Variants in GJC2 observed in about 807,000 individuals in gnomAD.
GJC2 encodes gap junction protein gamma 2.
For synonymous variants in GJC2, 336 were observed against 307.5 expected (o/e 1.09, Z -0.97); for missense variants, 647 against 648.9 (o/e 1.00, Z 0.03).
intron 1 of GJC2, among the ~76,000 whole-genome samples, chr1:228,153,439 T>A (rs1349833497): frequency 1.3e-5 from 2 of 150,532 alleles, no homozygotes; most frequent in Admixed American, 1.3e-4. Flanking sequence ...CAGGATTGAG[T>A]GCAGTGGTGT....
In GJC2 at chr1:228,150,196, G is replaced by A. The variant is rs906171975; in HGVS notation, c.-20+189G>A. Among the ~76,000 whole-genome samples, 5 of 152,170 alleles carry A rather than the reference G, an allele frequency of 3.3e-5. No individual in the cohort carries two copies. Among genetic ancestry groups the A allele is most frequent in the South Asian group, 2.1e-4 (1 of 4,834 alleles). ...GGCTCCGCTGCTCCACGCAGATGGT[G>A]GGGTGGCCCCCCCACTCCATGTCTG... On this transcript the variant is annotated intron_variant, in intron 1 of 1. Transcript: ENST00000366714. The surrounding 1 kb of genome is among the most constrained non-coding windows in gnomAD (Gnocchi z 4.6).
At position 228,154,721 on chromosome 1, in the gene GJC2, C is replaced by T. The variant is rs543938176; in HGVS notation, c.-19-3019C>T. Among the ~76,000 whole-genome samples the T allele has an allele frequency of 7.9e-5, 12 of 152,366 alleles. No homozygotes were observed. The South Asian group carries it at 2.3e-3, about 29-fold the overall frequency. On this transcript the variant is annotated intron_variant, in intron 1 of 1. Coordinates refer to ENST00000366714, the MANE Select transcript of GJC2 (RefSeq NM_020435.4). Reference sequence around the variant, plus strand: ...ATCTATGTCAGTCTGTAATCTGTAACACAAGACTACTTGATTTCTTTCACT... The same window carrying T: ...ATCTATGTCAGTCTGTAATCTGTAATACAAGACTACTTGATTTCTTTCACT...
chr1:228,158,653 C>A lies in GJC2; in HGVS notation c.895C>A (p.Arg299Ser). 6.6e-7 allele frequency: 1 copy of A among 1,521,098 alleles called. No individual in the cohort carries two copies. The highest frequency in any genetic ancestry group is 8.8e-7 in the Non-Finnish European group (1 of 1,131,498). 94.2% of individuals were successfully genotyped at this position (1,521,098 alleles called of 1,614,324 possible). The change falls in exon 2 of 2, where the codon CGC (arginine) becomes AGC (serine). Residue 299 changes from arginine (R) to serine (S), a missense_variant. Arg to Ser is a moderately radical substitution (Grantham distance 110). Transcript: ENST00000366714. The surrounding 1 kb of genome is among the most constrained non-coding windows in gnomAD (Gnocchi z 8.3). ...LGLGSAQDAV[R>S]GRRGPPASAP... The stretch of plus-strand genomic sequence containing the variant: ...CTTGGGCAGCGCGCAGGACGCGGTG[C>A]GCGGCCGCCGCGGCCCCCCGGCCTC...
Position 228,158,637 on chromosome 1 carries a change from C to T in GJC2, c.879C>T (p.Ser293=), listed in dbSNP as rs868063664. 1 of 1,603,944 alleles carries T rather than the reference C, an allele frequency of 6.2e-7. No individual in the cohort carries two copies. ...AGATGGCCCACCTGGGCTTGGGCAGCGCGCAGGACGCGGTGCGCGGCCGCC... is the reference window on the plus strand; with the variant it reads ...AGATGGCCCACCTGGGCTTGGGCAGTGCGCAGGACGCGGTGCGCGGCCGCC... The part of the protein sequence containing the change: ...LCEMAHLGLG[S]AQDAVRGRRG... The change falls in exon 2 of 2, where the codon AGC becomes AGT. Residue 293 remains serine, a synonymous_variant. Coordinates refer to ENST00000366714, the MANE Select transcript of GJC2 (RefSeq NM_020435.4). The surrounding 1 kb of genome is among the most constrained non-coding windows in gnomAD (Gnocchi z 8.3).
chr1:228,157,966 G>A lies in GJC2; in HGVS notation c.208G>A (p.Ala70Thr). The change falls in exon 2 of 2, where the codon GCC becomes ACC. Residue 70 changes from alanine to threonine, a missense_variant. Physicochemically the swap from Ala to Thr is moderately conservative, Grantham distance 58. Transcript: ENST00000366714. ...QPGCDNVCYD[A>T]FAPLSHVRFW... ...AGGCTGCGACAACGTCTGCTATGAC[G>A]CCTTCGCGCCCCTGTCGCACGTGCG... 11 of 1,612,436 alleles carry A rather than the reference G, an allele frequency of 6.8e-6. No individual in the cohort carries two copies. Among genetic ancestry groups the A allele is most frequent in the Non-Finnish European group, 9.3e-6 (11 of 1,179,770 alleles).
rs544896408 is a variant in GJC2 at position 228,152,897 on chromosome 1, T to A, written c.-20+2890T>A. Among the ~76,000 whole-genome samples the A allele has an allele frequency of 2.0e-4, 30 of 152,134 alleles. No homozygotes were observed. The highest frequency in any genetic ancestry group is 6.8e-3 in the Middle Eastern group (2 of 294). ...ACCCCCCTACCTCGCCCTGACACCT[T>A]ACTAACCCCAGCAGCTGCCTCCTCC... On this transcript the variant is annotated intron_variant, in intron 1 of 1. Coordinates refer to ENST00000366714, the MANE Select transcript of GJC2 (RefSeq NM_020435.4). The surrounding 1 kb of genome is among the most constrained non-coding windows in gnomAD (Gnocchi z 7.3).
In GJC2 at chr1:228,150,880, C is replaced by T. The variant is rs1442698088; in HGVS notation, c.-20+873C>T. Among the ~76,000 whole-genome samples, 7 of 152,020 alleles carry T rather than the reference C, an allele frequency of 4.6e-5. No individual in the cohort carries two copies. The highest frequency in any genetic ancestry group is 1.0e-4 in the Non-Finnish European group (7 of 67,948). On this transcript the variant is annotated intron_variant, in intron 1 of 1. Transcript: ENST00000366714. The surrounding 1 kb of genome is among the most constrained non-coding windows in gnomAD (Gnocchi z 4.6). ...TAGGAGGCTGGGGTAATCATCACCCCCTCACTCCCAGTATGGATACCCGCC... is the reference window on the plus strand; with the variant it reads ...TAGGAGGCTGGGGTAATCATCACCCTCTCACTCCCAGTATGGATACCCGCC...
Position 228,158,939 on chromosome 1 carries a change from C to G in GJC2, c.1181C>G (p.Thr394Arg), listed in dbSNP as rs1656854963. The G allele has an allele frequency of 6.5e-7, 1 of 1,547,062 alleles. No homozygotes were observed. Among genetic ancestry groups the G allele is most frequent in the Non-Finnish European group, 8.7e-7 (1 of 1,150,664 alleles). ...PPRAGAPASRTGSATSAGTVG... is the reference protein window; with the variant it reads ...PPRAGAPASRRGSATSAGTVG... ...AGAGCAGGCGCCCCCGCGTCCCGGA[C>G]GGGCAGTGCTACCTCTGCGGGCACT... Residue 394 changes from threonine to arginine, a missense_variant, in exon 2 of 2, where the codon ACG becomes AGG. Physicochemically the swap from Thr to Arg is moderately conservative, Grantham distance 71 (BLOSUM62 -1). Coordinates refer to ENST00000366714, the MANE Select transcript of GJC2 (RefSeq NM_020435.4). This position sits in a 1 kb window ranked among gnomAD's most constrained non-coding sequence, Gnocchi z 8.3.
chr1:228,158,676 C>A lies in GJC2; in HGVS notation c.918C>A (p.Ala306=). 1 of 1,213,978 alleles carries A rather than the reference C, an allele frequency of 8.2e-7. No individual in the cohort carries two copies. The allele number at this position is 1,213,978 out of a possible 1,614,324, so 75.2% of individuals were successfully genotyped here. ...DAVRGRRGPP[A]SAPAPAPRPP... ...TGCGCGGCCGCCGCGGCCCCCCGGC[C>A]TCCGCCCCCGCCCCCGCGCCGCGGC... The change falls in exon 2 of 2, where the codon GCC becomes GCA. Residue 306 remains alanine, a synonymous_variant. Transcript: ENST00000366714. The surrounding 1 kb of genome is among the most constrained non-coding windows in gnomAD (Gnocchi z 8.3).
In GJC2 at chr1:228,150,016, C is replaced by T. The variant is rs887535785; in HGVS notation, c.-20+9C>T. ...TTTCTGGCCTGGAGAAGGTAGGGTG[C>T]TGGGGTCCATGTATGTACCTCATGG... On this transcript the variant is annotated intron_variant, in intron 1 of 1. Coordinates refer to ENST00000366714, the MANE Select transcript of GJC2 (RefSeq NM_020435.4). This position sits in a 1 kb window ranked among gnomAD's most constrained non-coding sequence, Gnocchi z 4.6. 1.3e-5 allele frequency: 2 copies of T among 152,674 alleles called. No homozygotes were observed. Among genetic ancestry groups the T allele is most frequent in the African/African-American group, 4.8e-5 (2 of 41,446 alleles). The allele number at this position is 152,674 out of a possible 1,614,324, so 9.5% of individuals were successfully genotyped here.
Position 228,158,329 on chromosome 1 carries a change from A to T in GJC2, c.571A>T (p.Thr191Ser). ...CGGCGCTGACGGCAAGGCGGCAGGGACCCCGGGCCCGACCGGGCAACACGA... is the reference window on the plus strand; with the variant it reads ...CGGCGCTGACGGCAAGGCGGCAGGGTCCCCGGGCCCGACCGGGCAACACGA... ...AVGADGKAAGTPGPTGQHDGR... is the reference protein window; with the variant it reads ...AVGADGKAAGSPGPTGQHDGR... The change falls in exon 2 of 2, where the codon ACC (threonine) becomes TCC (serine). Residue 191 changes from threonine (T) to serine (S), a missense_variant. Transcript: ENST00000366714. This position sits in a 1 kb window ranked among gnomAD's most constrained non-coding sequence, Gnocchi z 8.3. 6.4e-7 allele frequency: 1 copy of T among 1,562,036 alleles called. No homozygotes were observed. The highest frequency in any genetic ancestry group is 8.6e-7 in the Non-Finnish European group (1 of 1,157,342).
At position 228,150,378 on chromosome 1, in the gene GJC2, C is replaced by T. The variant is rs146283240; in HGVS notation, c.-20+371C>T. On this transcript the variant is annotated intron_variant, in intron 1 of 1. Transcript: ENST00000366714. This position sits in a 1 kb window ranked among gnomAD's most constrained non-coding sequence, Gnocchi z 4.6. ...TAGGGCTGGCCTCTGAAACACCAGC[C>T]AGCTGCATTGTGTCCAGGCCCAGTC... is the stretch of plus-strand genomic sequence containing the variant. Among the ~76,000 whole-genome samples, 1 of 152,270 alleles carries T rather than the reference C, an allele frequency of 6.6e-6. No individual in the cohort carries two copies. Among genetic ancestry groups the T allele is most frequent in the East Asian group, 1.9e-4 (1 of 5,162 alleles).
rs1336082527 is a variant in GJC2 at position 228,158,126 on chromosome 1, C to T, written c.368C>T (p.Ala123Val). Residue 123 changes from alanine (A) to valine (V), a missense_variant, in exon 2 of 2, where the codon GCG (alanine) becomes GTG (valine). By Grantham distance (64) the Ala-to-Val change is moderately conservative (BLOSUM62 0). Coordinates refer to ENST00000366714, the MANE Select transcript of GJC2 (RefSeq NM_020435.4). The surrounding 1 kb of genome is among the most constrained non-coding windows in gnomAD (Gnocchi z 8.3). ...CGCCGCCGCCCGGGGCCACGCCGCGCGCCCCGAGCGCACCTGCCGCCCCCG... is the reference window on the plus strand; with the variant it reads ...CGCCGCCGCCCGGGGCCACGCCGCGTGCCCCGAGCGCACCTGCCGCCCCCG... ...ALRRRPGPRR[A>V]PRAHLPPPHA... 8.1e-7 allele frequency: 1 copy of T among 1,237,260 alleles called. No homozygotes were observed. 76.6% of individuals were successfully genotyped at this position (1,237,260 alleles called of 1,614,324 possible).
At chr1:228,154,349 T>C (rs1261183461) in intron 1 of GJC2, among the ~76,000 whole-genome samples, 1 of 152,202 alleles carries the variant, frequency 6.6e-6, no homozygotes, top group East Asian at 1.9e-4. Flanking sequence ...ACCCTCATGT[T>C]TCCTTATGAG....
intron 1 of GJC2, among the ~76,000 whole-genome samples, chr1:228,156,795 C>T (rs928192856): frequency 3.3e-5 from 5 of 152,254 alleles, no homozygotes; most frequent in African/African-American, 1.2e-4. Flanking sequence ...AGGAGCTCTC[C>T]TTCTTTGGAG....
At chr1:228,153,719 AC>A (rs1339825960) in intron 1 of GJC2, among the ~76,000 whole-genome samples, 1 of 148,294 alleles carries the variant, frequency 6.7e-6, no homozygotes, top group Admixed American at 6.8e-5. Context: ...AGTAGCTGGG[AC>A]TACAGGCACG....
rs2034611662 is a variant in GJC2, at chr1:228,151,088, T to C, written c.-20+1081T>C. On this transcript the variant is annotated intron_variant, in intron 1 of 1. Coordinates refer to ENST00000366714, the MANE Select transcript of GJC2 (RefSeq NM_020435.4). The surrounding 1 kb of genome is among the most constrained non-coding windows in gnomAD (Gnocchi z 5.4). ...CTCACTTCTGGGCCTGACAGCTCTG[T>C]TCCTGCTTGGGACCCTGAGGGAGGG... Among the ~76,000 whole-genome samples the C allele has an allele frequency of 6.6e-6, 1 of 152,032 alleles. No homozygotes were observed. Among genetic ancestry groups the C allele is most frequent in the Admixed American group, 6.5e-5 (1 of 15,286 alleles).
intron 1 of GJC2, among the ~76,000 whole-genome samples, chr1:228,154,752 G>C (rs1571905946): frequency 6.6e-6 from 1 of 152,240 alleles, no homozygotes; most frequent in African/African-American, 2.4e-5. Flanking sequence ...TCACTGCTCA[G>C]AGGGATCCAG....
At chr1:228,155,922 ACACAGCTGGG>A (rs2034672385) in intron 1 of GJC2, among the ~76,000 whole-genome samples, 1 of 152,114 alleles carries the variant, frequency 6.6e-6, no homozygotes, top group South Asian at 2.1e-4. Flanking sequence ...TATTGCCCCC[ACACAGCTGGG>A]CAGGCTGGCC....
Sources: allele counts gnomAD v4.1 joint callset (sites outside exome capture counted in the v4.1 genomes callset), GRCh38; gene constraint gnomAD v4.1.1; non-coding constraint Gnocchi (gnomAD v3.1); transcripts MANE v1.5; gene names NCBI Gene and HGNC (gene_info 2026-07-23, HGNC 2026-07-21).